The following CELF4 variants were observed in gnomAD, a reference collection of about 807,000 sequenced individuals.
CELF4 encodes the protein CUGBP Elav-like family member 4, also known as CUG-BP- and ETR-3-like factor 4.
A neutral mutation model predicts 59.9 loss-of-function variants in CELF4; 18 were observed. The observed-to-expected ratio is 0.30, with a 90% CI of 0.21 to 0.45. CELF4 has a LOEUF of 0.45. CELF4 is among the 20% of genes least tolerant of loss of function. CELF4 has a pLI of 1.00. For synonymous variants in CELF4, 261 were observed against 267.1 expected (o/e 0.98, Z 0.22); for missense variants, 456 against 689.0 (o/e 0.66, Z 3.79).
chr18:37,269,398 G>A (rs1380324000), intron 8 of CELF4, among the ~76,000 whole-genome samples: 1 of 152,226 alleles, frequency 6.6e-6, no homozygotes, highest in Non-Finnish European at 1.5e-5. Flanking sequence ...GCACTCTGCT[G>A]CTAGTGGGAC....
chr18:37,341,950 G>A (rs978395859), intron 2 of CELF4, among the ~76,000 whole-genome samples: 2 of 152,044 alleles, frequency 1.3e-5, no homozygotes, highest in Non-Finnish European at 1.5e-5. Context: ...GCTAAGACTC[G>A]CTTACTCTCC....
intron 12 of CELF4, among the ~76,000 whole-genome samples, chr18:37,251,882 G>A (rs779791094): frequency 1.3e-5 from 2 of 152,102 alleles, no homozygotes; most frequent in East Asian, 3.9e-4. Flanking sequence ...TGAATAACAT[G>A]TGTGTTTGCA....
Position 37,565,783 on chromosome 18 carries a change from C to G in CELF4, c.-142G>C. 1.7e-6 allele frequency: 1 copy of G among 581,168 alleles called. No individual in the cohort carries two copies. Among genetic ancestry groups the G allele is most frequent in the Non-Finnish European group, 2.8e-6 (1 of 352,354 alleles). The allele number at this position is 581,168 out of a possible 1,614,324, so 36.0% of individuals were successfully genotyped here. ...GTTTCTCTACACCTCGCTCTCCGCT[C>G]GCTCTCTGCTCTCTCTCTTTCTCCT... On this transcript the variant is annotated 5_prime_UTR_variant, in exon 1 of 13. Transcript: ENST00000420428.
At chr18:37,369,862 C>A (rs1014002167) in intron 2 of CELF4, among the ~76,000 whole-genome samples, 1 of 152,220 alleles carries the variant, frequency 6.6e-6, no homozygotes, top group African/African-American at 2.4e-5. Context: ...AGAGATATTG[C>A]CCAGGAAATG....
chr18:37,459,031 G>A (rs527527636), intron 2 of CELF4, among the ~76,000 whole-genome samples: 32 of 152,340 alleles, frequency 2.1e-4, no homozygotes, highest in Admixed American at 1.9e-3. Context: ...GCTTGCCTTG[G>A]TCAGAGAACT....
intron 1 of CELF4, among the ~76,000 whole-genome samples, chr18:37,494,766 G>A (rs1451255307): frequency 6.6e-6 from 1 of 152,184 alleles, no homozygotes; most frequent in Non-Finnish European, 1.5e-5. Flanking sequence ...CCCTCCAGGA[G>A]CCCTAGGCAG....
At chr18:37,309,596 A>G (rs1453600869) in intron 3 of CELF4, among the ~76,000 whole-genome samples, 2 of 152,128 alleles carry the variant, frequency 1.3e-5, no homozygotes, top group Non-Finnish European at 2.9e-5. Flanking sequence ...AGAACGAACT[A>G]GAGAAACAAG....
At chr18:37,382,081 A>G (rs1047984196) in intron 2 of CELF4, among the ~76,000 whole-genome samples, 1 of 152,226 alleles carries the variant, frequency 6.6e-6, no homozygotes, top group Non-Finnish European at 1.5e-5. Flanking sequence ...AGGGAAGTTA[A>G]AGCAAAAGTA....
At chr18:37,405,794 G>A (rs1034038748) in intron 2 of CELF4, among the ~76,000 whole-genome samples, 2 of 152,142 alleles carry the variant, frequency 1.3e-5, no homozygotes, top group Admixed American at 1.3e-4. Flanking sequence ...AGATATTAGT[G>A]GGGGAGGTCC....
intron 3 of CELF4, among the ~76,000 whole-genome samples, chr18:37,286,839 C>G (rs892635943): frequency 1.3e-5 from 2 of 152,206 alleles, no homozygotes; most frequent in African/African-American, 2.4e-5. Flanking sequence ...CCACCTGGCC[C>G]AGCCTCCTCC....
At chr18:37,552,425 G>A (rs1361883978) in intron 1 of CELF4, among the ~76,000 whole-genome samples, 1 of 152,236 alleles carries the variant, frequency 6.6e-6, no homozygotes, top group Admixed American at 6.5e-5. Context: ...TCTGCGTGAT[G>A]AGGGTGAGTG....
intron 3 of CELF4, chr18:37,306,084 G>A (rs1220945827): frequency 6.6e-6 from 1 of 152,258 alleles, no homozygotes; most frequent in Non-Finnish European, 1.5e-5. Flanking sequence ...AGCTCGCACA[G>A]GCCTTCCCTT....
intron 1 of CELF4, among the ~76,000 whole-genome samples, chr18:37,498,390 C>T (rs1179281336): frequency 7.4e-6 from 1 of 135,614 alleles, no homozygotes; most frequent in Non-Finnish European, 1.6e-5. Flanking sequence ...TTTCCATCAT[C>T]TCCCCTTCTC....
At chr18:37,475,533 G>C (rs2099846375) in intron 2 of CELF4, among the ~76,000 whole-genome samples, 1 of 152,224 alleles carries the variant, frequency 6.6e-6, no homozygotes, top group Non-Finnish European at 1.5e-5. Flanking sequence ...GCATCACAGA[G>C]GAAGGGAGCT....
intron 2 of CELF4, among the ~76,000 whole-genome samples, chr18:37,351,611 CTTTTT>C (rs35650061): frequency 4.9e-5 from 6 of 121,916 alleles, no homozygotes; most frequent in Admixed American, 8.6e-5. Context: ...TCTTCTTCTT[CTTTTT>C]TTTTTTTTTT....
chr18:37,450,449 C>T (rs1270630674), intron 2 of CELF4, among the ~76,000 whole-genome samples: 1 of 151,720 alleles, frequency 6.6e-6, no homozygotes, highest in South Asian at 2.1e-4. Context: ...TCTCTCAGAA[C>T]AGGAAGAGGC....
At chr18:37,434,094 T>A (rs532066482) in intron 2 of CELF4, among the ~76,000 whole-genome samples, 13 of 152,332 alleles carry the variant, frequency 8.5e-5, no homozygotes, top group African/African-American at 3.1e-4. Flanking sequence ...GCTGGTGAGC[T>A]GATCGCTTTG....
intron 2 of CELF4, among the ~76,000 whole-genome samples, chr18:37,452,242 G>C (rs979023640): frequency 6.6e-6 from 1 of 152,230 alleles, no homozygotes; most frequent in Non-Finnish European, 1.5e-5. Context: ...TTATTAAGTG[G>C]CTGCCACATG....
chr18:37,400,509 A>G (rs2099313757), intron 2 of CELF4, among the ~76,000 whole-genome samples: 1 of 152,246 alleles, frequency 6.6e-6, no homozygotes, highest in Admixed American at 6.5e-5. Context: ...TACTACTTAG[A>G]AACAGATCAG....
Sources: gnomAD v4.1 joint callset for allele counts (sites outside exome capture counted in the v4.1 genomes callset) on GRCh38, gnomAD v4.1.1 for gene constraint, MANE v1.5 for transcripts, NCBI Gene and HGNC (gene_info 2026-07-23, HGNC 2026-07-21) for gene names.